MLIP: variants seen among roughly 807,000 people sequenced by gnomAD.
MLIP encodes muscular LMNA interacting protein, also known as muscular LMNA-interacting protein.
A neutral mutation model predicts 84.8 loss-of-function variants in MLIP; 79 were observed. The ratio of observed to expected loss-of-function variants is 0.93; its 90% CI spans 0.78 to 1.12. The LOEUF (loss-of-function observed/expected upper bound fraction) is 1.12, where lower values mean the gene tolerates loss of function less well. Ranked by LOEUF, MLIP falls within the 50% of genes most tolerant of loss-of-function variation. The pLI is 0.00. For missense variants in MLIP, 1,257 were observed against 1,160.6 expected (o/e 1.08, Z -1.21); for synonymous variants, 504 against 463.0 (o/e 1.09, Z -1.14).
chr6:54,155,243 T>G (rs1473851420), intron 5 of MLIP, among the ~76,000 whole-genome samples: 1 of 152,140 alleles, frequency 6.6e-6, no homozygotes, highest in Admixed American at 6.6e-5. Flanking sequence ...TATTCAGACC[T>G]GAATCCCCAA....
chr6:54,123,006 A>C (rs1770592956), intron 2 of MLIP, among the ~76,000 whole-genome samples: 2 of 150,586 alleles, frequency 1.3e-5, no homozygotes, highest in African/African-American at 2.4e-5. Context: ...ATCTCGGCTC[A>C]CTGCAAGCTC....
upstream of MLIP, among the ~76,000 whole-genome samples, chr6:54,109,491 G>A (rs971184351): frequency 6.6e-6 from 1 of 152,106 alleles, no homozygotes; most frequent in Non-Finnish European, 1.5e-5. Context: ...GGATGATGTG[G>A]CTCCAGGGTC....
intron 1 of MLIP, among the ~76,000 whole-genome samples, chr6:54,080,088 T>C (rs1767038731): frequency 6.6e-6 from 1 of 152,154 alleles, no homozygotes; most frequent in Non-Finnish European, 1.5e-5. Context: ...CCACTTTCCA[T>C]GCTGTAATTT....
At chr6:54,050,735 G>T (rs1352682165) in intron 1 of MLIP, among the ~76,000 whole-genome samples, 2 of 151,968 alleles carry the variant, frequency 1.3e-5, no homozygotes, top group Non-Finnish European at 2.9e-5. Flanking sequence ...AGAAATGAGT[G>T]CAGTTTTTGT....
chr6:54,052,077 CTT>C (rs1267104706), intron 1 of MLIP, among the ~76,000 whole-genome samples: 1 of 152,116 alleles, frequency 6.6e-6, no homozygotes, highest in African/African-American at 2.4e-5. Context: ...TGGCCTCACT[CTT>C]AGTCAGGCTC....
intron 1 of MLIP, among the ~76,000 whole-genome samples, chr6:54,054,891 CTT>C (rs56830731): frequency 4.8e-5 from 7 of 145,770 alleles, no homozygotes; most frequent in Admixed American, 1.4e-4. Context: ...TCATCACTAT[CTT>C]TTTTTTTTTT....
At chr6:54,237,063 T>C (rs1348129772) in intron 12 of MLIP, among the ~76,000 whole-genome samples, 2 of 151,972 alleles carry the variant, frequency 1.3e-5, no homozygotes, top group Non-Finnish European at 2.9e-5. Flanking sequence ...TGTACCTTTG[T>C]TTGGTTTTCT....
chr6:54,052,579 G>A (rs1203498932), intron 1 of MLIP, among the ~76,000 whole-genome samples: 2 of 152,042 alleles, frequency 1.3e-5, no homozygotes, highest in Non-Finnish European at 2.9e-5. Context: ...ACATAAAAAT[G>A]GACACACATT....
intron 9 of MLIP, among the ~76,000 whole-genome samples, chr6:54,177,465 G>C (rs1776406271): frequency 6.6e-6 from 1 of 152,136 alleles, no homozygotes; most frequent in Non-Finnish European, 1.5e-5. Context: ...CAGATCATTA[G>C]AGAAACACAA....
At chr6:54,255,706 A>G (rs1401505706) in intron 12 of MLIP, among the ~76,000 whole-genome samples, 1 of 152,186 alleles carries the variant, frequency 6.6e-6, no homozygotes, top group East Asian at 1.9e-4. Context: ...GGAAGAATGG[A>G]ATATAACAGT....
chr6:54,129,745 T>C (rs968922551), intron 3 of MLIP, among the ~76,000 whole-genome samples: 23 of 152,142 alleles, frequency 1.5e-4, no homozygotes, highest in African/African-American at 5.6e-4. Context: ...ATTAAGAAGC[T>C]GGGAGGTGAA....
chr6:54,184,789 A>G (rs992831867), intron 9 of MLIP, among the ~76,000 whole-genome samples: 1 of 152,074 alleles, frequency 6.6e-6, no homozygotes, highest in African/African-American at 2.4e-5. Context: ...GCTAAAGCCC[A>G]TCTCTCTCTT....
chr6:54,243,778 G>A (rs1322695605), intron 12 of MLIP, among the ~76,000 whole-genome samples: 9 of 150,992 alleles, frequency 6.0e-5, no homozygotes, highest in Non-Finnish European at 4.4e-5. Flanking sequence ...ACAGGCTTCC[G>A]TTTGGTCAAA....
At chr6:54,157,176 G>T (rs1318888145) in intron 5 of MLIP, among the ~76,000 whole-genome samples, 1 of 152,090 alleles carries the variant, frequency 6.6e-6, no homozygotes, top group Non-Finnish European at 1.5e-5. Flanking sequence ...ACAAAATCCT[G>T]TCCTGAGGAG....
At chr6:54,060,886 C>T (rs1054037730) in intron 1 of MLIP, among the ~76,000 whole-genome samples, 3 of 151,554 alleles carry the variant, frequency 2.0e-5, no homozygotes, top group African/African-American at 4.8e-5. Flanking sequence ...GCACAGCCCC[C>T]AACAATGCCC....
At chr6:54,097,284 T>C (rs1768283596) in intron 1 of MLIP, among the ~76,000 whole-genome samples, 2 of 152,178 alleles carry the variant, frequency 1.3e-5, no homozygotes, top group African/African-American at 4.8e-5. Flanking sequence ...AGATGGCTGC[T>C]AGAGATCCAG....
intron 1 of MLIP, chr6:54,058,959 C>A (rs1765810394): frequency 6.6e-6 from 1 of 152,174 alleles, no homozygotes; most frequent in Non-Finnish European, 1.5e-5. Flanking sequence ...GCTTAAAGCT[C>A]CGTAGTTGAA....
upstream of MLIP, among the ~76,000 whole-genome samples, chr6:54,110,141 C>T (rs1466707904): frequency 1.3e-5 from 2 of 151,760 alleles, no homozygotes; most frequent in Non-Finnish European, 2.9e-5. Context: ...CGCCACAACG[C>T]CCGGCTAATT....
intron 1 of MLIP, among the ~76,000 whole-genome samples, chr6:54,116,646 C>A (rs554958473): frequency 6.6e-6 from 1 of 152,298 alleles, no homozygotes; most frequent in East Asian, 1.9e-4. Flanking sequence ...GGCTTCACTG[C>A]TGAATCCTAC....
Sources: allele counts gnomAD v4.1 joint callset (sites outside exome capture counted in the v4.1 genomes callset), GRCh38; gene constraint gnomAD v4.1.1; transcripts MANE v1.5; gene names NCBI Gene and HGNC (gene_info 2026-07-23, HGNC 2026-07-21).